Variants in SDK1 observed in about 807,000 individuals in gnomAD.
SDK1 encodes the protein protein sidekick-1.
SDK1 carries 157 observed loss-of-function variants against 245.5 expected under a neutral mutation model. The ratio of observed to expected loss-of-function variants is 0.64; its 90% CI spans 0.56 to 0.73. SDK1 has a LOEUF of 0.73. Among genes scored for constraint, SDK1 ranks in the 30% least tolerant of loss-of-function variants. The pLI is 0.00. For missense variants in SDK1, 3,583 were observed against 3,002.3 expected (o/e 1.19, Z -4.52); for synonymous variants, 1,647 against 1,278.5 (o/e 1.29, Z -6.15).
chr7:3,525,058 C>G (rs903909818), intron 1 of SDK1, among the ~76,000 whole-genome samples: 3 of 152,070 alleles, frequency 2.0e-5, no homozygotes, highest in Non-Finnish European at 2.9e-5. Context: ...TAACTATTTA[C>G]GTAGCATTTA....
chr7:3,405,583 G>T (rs1779029150), intron 1 of SDK1, among the ~76,000 whole-genome samples: 1 of 152,096 alleles, frequency 6.6e-6, no homozygotes, highest in Non-Finnish European at 1.5e-5. Context: ...AAGCTTTTGG[G>T]TTTACCCCAT....
chr7:3,907,912 C>G (rs1779011433), intron 5 of SDK1, among the ~76,000 whole-genome samples: 1 of 152,122 alleles, frequency 6.6e-6, no homozygotes, highest in African/African-American at 2.4e-5. Context: ...TGAGCAAGGG[C>G]TTGTGTGTGT....
chr7:4,154,666 C>T (rs1022795734), intron 30 of SDK1, among the ~76,000 whole-genome samples: 1 of 152,158 alleles, frequency 6.6e-6, no homozygotes, highest in South Asian at 2.1e-4. Context: ...GTCATTTTCA[C>T]GACAGCCCTG....
intron 42 of SDK1, among the ~76,000 whole-genome samples, chr7:4,239,443 G>T (rs527709918): frequency 6.6e-6 from 1 of 152,204 alleles, no homozygotes; most frequent in South Asian, 2.1e-4. Context: ...TTGTGCATTT[G>T]ATTATCGTCA....
intron 4 of SDK1, among the ~76,000 whole-genome samples, chr7:3,694,948 C>T (rs1007225033): frequency 6.6e-5 from 10 of 152,168 alleles, no homozygotes; most frequent in African/African-American, 2.2e-4. Context: ...AGAATTTCTT[C>T]AAGTGTCTTC....
intron 1 of SDK1, among the ~76,000 whole-genome samples, chr7:3,492,517 A>T (rs780797943): frequency 2.2e-4 from 34 of 152,212 alleles, no homozygotes; most frequent in Non-Finnish European, 4.3e-4. Flanking sequence ...AACAAAAACA[A>T]CAAAAAAACC....
chr7:4,133,039 G>A (rs1180129219), intron 28 of SDK1, among the ~76,000 whole-genome samples: 3 of 152,156 alleles, frequency 2.0e-5, no homozygotes, highest in African/African-American at 7.2e-5. Context: ...GTTGATGTGT[G>A]TTTGAGAAAC....
intron 1 of SDK1, among the ~76,000 whole-genome samples, chr7:3,317,063 C>T (rs1356859219): frequency 6.6e-6 from 1 of 151,102 alleles, no homozygotes; most frequent in East Asian, 2.0e-4. Flanking sequence ...CACTTGTCGT[C>T]CCAGCTACTT....
chr7:4,204,297 GTTTT>G (rs775446477), intron 35 of SDK1, among the ~76,000 whole-genome samples: 1 of 152,158 alleles, frequency 6.6e-6, no homozygotes, highest in African/African-American at 2.4e-5. Context: ...TGATTGAATT[GTTTT>G]TTTGTGTGAT....
intron 1 of SDK1, among the ~76,000 whole-genome samples, chr7:3,563,704 G>A (rs1261946979): frequency 1.3e-5 from 2 of 152,122 alleles, no homozygotes; most frequent in Admixed American, 1.3e-4. Flanking sequence ...ATAAGCATGA[G>A]CTGTTAGGAA....
chr7:4,261,860 C>T (rs1294119502), intron 44 of SDK1, among the ~76,000 whole-genome samples: 2 of 151,918 alleles, frequency 1.3e-5, no homozygotes, highest in East Asian at 1.9e-4. Flanking sequence ...TCTGTGCCAC[C>T]AGGTGGATCC....
chr7:3,371,391 G>A (rs1445974880), intron 1 of SDK1, among the ~76,000 whole-genome samples: 1 of 152,068 alleles, frequency 6.6e-6, no homozygotes, highest in Non-Finnish European at 1.5e-5. Context: ...GGAGGACAGT[G>A]TCTCTCTCTG....
chr7:4,099,580 T>C (rs553509907), intron 22 of SDK1, among the ~76,000 whole-genome samples: 26 of 104,092 alleles, frequency 2.5e-4, no homozygotes, highest in African/African-American at 6.5e-4. Context: ...GAGGTGGGAC[T>C]GGGCTCTAGG....
intron 35 of SDK1, among the ~76,000 whole-genome samples, chr7:4,196,965 C>G (rs566585824): frequency 1.3e-5 from 2 of 152,370 alleles, no homozygotes; most frequent in East Asian, 3.9e-4. Flanking sequence ...ATGAGACCGT[C>G]TAGGCTTGAA....
intron 5 of SDK1, among the ~76,000 whole-genome samples, chr7:3,834,817 G>T (rs891427518): frequency 6.6e-6 from 1 of 152,166 alleles, no homozygotes; most frequent in Non-Finnish European, 1.5e-5. Flanking sequence ...TACTTGTCCA[G>T]TGAGTGCATG....
chr7:3,739,317 C>T (rs1779410836), intron 4 of SDK1, among the ~76,000 whole-genome samples: 1 of 152,178 alleles, frequency 6.6e-6, no homozygotes, highest in Non-Finnish European at 1.5e-5. Flanking sequence ...CTTACATATA[C>T]AGACCATTGT....
chr7:3,425,599 C>G (rs1280801029), intron 1 of SDK1, among the ~76,000 whole-genome samples: 2 of 152,154 alleles, frequency 1.3e-5, no homozygotes, highest in Non-Finnish European at 2.9e-5. Context: ...GTGGAAATCT[C>G]ATTAATGGGA....
chr7:3,906,758 G>C (rs985830707), intron 5 of SDK1, among the ~76,000 whole-genome samples: 8 of 150,682 alleles, frequency 5.3e-5, no homozygotes, highest in African/African-American at 1.9e-4. Flanking sequence ...CTCCTGAGTA[G>C]CTGGGACTAC....
chr7:3,859,238 C>A (rs1780625352), intron 5 of SDK1, among the ~76,000 whole-genome samples: 1 of 152,076 alleles, frequency 6.6e-6, no homozygotes, highest in Non-Finnish European at 1.5e-5. Flanking sequence ...GGGGGCTCAA[C>A]TTTGATCCAC....
Sources: gnomAD v4.1 joint callset for allele counts (sites outside exome capture counted in the v4.1 genomes callset) on GRCh38, gnomAD v4.1.1 for gene constraint, MANE v1.5 for transcripts, NCBI Gene and HGNC (gene_info 2026-07-23, HGNC 2026-07-21) for gene names.